Variants in TPTE2 observed in about 807,000 individuals in gnomAD.
TPTE2 encodes transmembrane phosphoinositide 3-phosphatase and tensin homolog 2, also known as phosphatidylinositol 3,4,5-trisphosphate 3-phosphatase TPTE2.
TPTE2 carries 53 observed loss-of-function variants against 78.6 expected under a neutral mutation model. The observed-to-expected ratio is 0.67, with a 90% CI of 0.54 to 0.85. The LOEUF (loss-of-function observed/expected upper bound fraction) is 0.85. TPTE2 is among the 40% of genes least tolerant of loss of function. The pLI is 0.00. For missense variants in TPTE2, 461 were observed against 623.0 expected (o/e 0.74, Z 2.77); for synonymous variants, 175 against 206.2 (o/e 0.85, Z 1.30).
Position 19,497,229 on chromosome 13 carries a change from G to A in TPTE2, c.12-3728C>T, listed in dbSNP as rs1374076352. Among the ~76,000 whole-genome samples the A allele has an allele frequency of 9.6e-4, 142 of 147,598 alleles. 2 individuals carry two copies. The highest frequency in any genetic ancestry group is 8.6e-3 in the South Asian group (37 of 4,302). On this transcript the variant is annotated intron_variant, in intron 1 of 19. Coordinates refer to ENST00000400230, the Ensembl canonical transcript of TPTE2. Reference sequence around the variant, plus strand: ...GCGGCAGCGAGGCTGGGGGAGGGGCGCCCGACATTGCCCAGGCTTGATTAG... The same window carrying A: ...GCGGCAGCGAGGCTGGGGGAGGGGCACCCGACATTGCCCAGGCTTGATTAG...
chr13:19,446,843 G>C (rs1469743455), intron 13 of TPTE2, among the ~76,000 whole-genome samples: 2 of 152,124 alleles, frequency 1.3e-5, no homozygotes, highest in Non-Finnish European at 2.9e-5. Flanking sequence ...CAGAGGGGCT[G>C]AGATGGGAGG....
chr13:19,530,112 C>T (rs537441700), intron 1 of TPTE2, among the ~76,000 whole-genome samples: 1 of 152,270 alleles, frequency 6.6e-6, no homozygotes, highest in South Asian at 2.1e-4. Flanking sequence ...TCTTAAAAGC[C>T]ATCCTTGGGA....
the TPTE2 span, among the ~76,000 whole-genome samples, chr13:19,559,446 AC>A: frequency 7.8e-3 from 1,181 of 150,762 alleles, 14 homozygotes; most frequent in African/African-American, 0.028. Flanking sequence ...GTGCTCTCCT[AC>A]CCCCGAGGAG....
At chr13:19,547,720 C>CATATATATATAT in the TPTE2 span, among the ~76,000 whole-genome samples, 8,027 of 118,602 alleles carry the variant, frequency 0.068, 485 homozygotes, top group South Asian at 0.11. Flanking sequence ...AATAAATATA[C>CATATATATATAT]ATATATATAT....
chr13:19,493,633 A>G lies in TPTE2; in HGVS notation c.12-132T>C, dbSNP rs546266192. ...CTATTCATGTATACAGCACTATTGG[A>G]ACCTGGAATGTCTATTTTTCTTTAT... On this transcript the variant is annotated intron_variant, in intron 1 of 19. Coordinates refer to ENST00000400230, the Ensembl canonical transcript of TPTE2. 2.2e-4 allele frequency: 176 copies of G among 814,940 alleles called. No homozygotes were observed. In the African/African-American group the frequency reaches 2.7e-3, roughly 13 times the overall value. 50.5% of individuals were successfully genotyped at this position (814,940 alleles called of 1,614,324 possible).
intron 11 of TPTE2, 121 bp downstream of exon 14, chr13:19,451,044 T>C (rs1276932799): frequency 3.3e-6 from 4 of 1,226,914 alleles, no homozygotes; most frequent in Non-Finnish European, 3.4e-6. Flanking sequence ...GATTTTTAAA[T>C]TCATTCCTTG....
At chr13:19,517,398 C>G (rs1024790020) in intron 1 of TPTE2, among the ~76,000 whole-genome samples, 1 of 151,972 alleles carries the variant, frequency 6.6e-6, no homozygotes, top group Non-Finnish European at 1.5e-5. Flanking sequence ...GGCCTTACAC[C>G]CACTGGTTGT....
intron 7 of TPTE2, among the ~76,000 whole-genome samples, chr13:19,466,655 A>G (rs1879286859): frequency 6.6e-6 from 1 of 152,202 alleles, no homozygotes; most frequent in South Asian, 2.1e-4. Context: ...TTGTGTTGCT[A>G]CATGTGTCAT....
At chr13:19,431,715 A>T (rs7981528) in intron 16 of TPTE2, among the ~76,000 whole-genome samples, 97,143 of 129,664 alleles carry the variant, frequency 0.75, 35,181 homozygotes, top group East Asian at 0.93. Flanking sequence ...GAAATCAGTG[A>T]AATGTAGAAC....
chr13:19,427,041 T>TTA (rs1036840388), intron 17 of TPTE2, among the ~76,000 whole-genome samples: 2 of 151,006 alleles, frequency 1.3e-5, no homozygotes, highest in African/African-American at 4.9e-5. Flanking sequence ...ATGTTTAGGG[T>TTA]TATCATGAAC....
rs2137622311 is a variant in TPTE2, at chr13:19,486,074, T to C, written c.120-3527A>G. On this transcript the variant is annotated intron_variant, in intron 3 of 19. Transcript: ENST00000400230. This position sits in a 1 kb window ranked among gnomAD's most constrained non-coding sequence, Gnocchi z 4.3. ...TCCCTTTGTAGATGACATGTTTTCTTGCATTTTCACGGTTGCTGTGTTTCT... is the reference window on the plus strand; with the variant it reads ...TCCCTTTGTAGATGACATGTTTTCTCGCATTTTCACGGTTGCTGTGTTTCT... Among the ~76,000 whole-genome samples, 1 of 152,310 alleles carries C rather than the reference T, an allele frequency of 6.6e-6. No individual in the cohort carries two copies. The highest frequency in any genetic ancestry group is 6.5e-5 in the Admixed American group (1 of 15,300).
the TPTE2 span, among the ~76,000 whole-genome samples, chr13:19,553,786 T>C: frequency 4.6e-5 from 7 of 152,164 alleles, no homozygotes; most frequent in Non-Finnish European, 8.8e-5. Flanking sequence ...GTACTGTGTG[T>C]GTATGTGTGT....
upstream of TPTE2, among the ~76,000 whole-genome samples, chr13:19,538,276 A>T (rs1871321227): frequency 6.6e-6 from 1 of 151,982 alleles, no homozygotes; most frequent in Non-Finnish European, 1.5e-5. Context: ...GCTGGAGTGC[A>T]GTGGCGCCAG....
At chr13:19,500,836 A>G (rs1433633391) in intron 1 of TPTE2, among the ~76,000 whole-genome samples, 4 of 149,034 alleles carry the variant, frequency 2.7e-5, no homozygotes, top group African/African-American at 1.0e-4. Flanking sequence ...AAGGGTATTC[A>G]AGTAGGAAAA....
At chr13:19,467,782 T>C (rs1329693263) in intron 6 of TPTE2, among the ~76,000 whole-genome samples, 2 of 151,940 alleles carry the variant, frequency 1.3e-5, no homozygotes, top group East Asian at 3.9e-4. Context: ...CGTTACTCAT[T>C]CTATTTTTTT....
chr13:19,476,525 G>C (rs1879948803), intron 4 of TPTE2, among the ~76,000 whole-genome samples: 1 of 151,992 alleles, frequency 6.6e-6, no homozygotes, highest in Admixed American at 6.6e-5. Context: ...CAGATACTGA[G>C]CAGAACTGGG....
At chr13:19,462,925 A>G (rs1179997388) in intron 10 of TPTE2, among the ~76,000 whole-genome samples, 1 of 151,766 alleles carries the variant, frequency 6.6e-6, no homozygotes, top group Non-Finnish European at 1.5e-5. Context: ...TCTATTTGAG[A>G]ACCTTCGAGC....
At chr13:19,502,007 C>T (rs976290703) in intron 1 of TPTE2, among the ~76,000 whole-genome samples, 2 of 141,834 alleles carry the variant, frequency 1.4e-5, no homozygotes, top group Admixed American at 7.2e-5. Context: ...AGACACTTCT[C>T]AAAAGAAGAC....
the TPTE2 span, among the ~76,000 whole-genome samples, chr13:19,544,930 ACACT>A: frequency 9.3e-5 from 8 of 86,206 alleles, no homozygotes; most frequent in South Asian, 4.7e-4. Flanking sequence ...ACACACGTGC[ACACT>A]CACACACACA....
Sources: gnomAD v4.1 joint callset for allele counts (sites outside exome capture counted in the v4.1 genomes callset) on GRCh38, gnomAD v4.1.1 for gene constraint, Gnocchi (gnomAD v3.1) non-coding constraint, MANE v1.5 for transcripts, NCBI Gene and HGNC (gene_info 2026-07-23, HGNC 2026-07-21) for gene names.